The following ZSCAN5B variants were observed in gnomAD, a reference collection of about 807,000 sequenced individuals.
The protein encoded by ZSCAN5B is zinc finger and SCAN domain-containing protein 5B.
Under a neutral mutation model 25.2 loss-of-function variants are expected in ZSCAN5B, and 26 were observed. That is an observed-to-expected ratio of 1.03 (90% CI 0.76 to 1.43). The LOEUF (loss-of-function observed/expected upper bound fraction) is 1.43, where lower values mean the gene tolerates loss of function less well. Among genes scored for constraint, ZSCAN5B ranks in the 40% most tolerant of loss-of-function variants. The probability of loss-of-function intolerance (pLI) is 0.00; values close to 1 mark genes in which losing one functional copy is unlikely to be tolerated. For missense variants in ZSCAN5B, 745 were observed against 622.1 expected (o/e 1.20, Z -2.10); for synonymous variants, 244 against 240.9 (o/e 1.01, Z -0.12).
exon 4 of ZSCAN5B, chr19:56,190,954 C>G (rs4801296): frequency 4.3e-6 from 7 of 1,613,628 alleles, no homozygotes; most frequent in Non-Finnish European, 5.9e-6. Flanking sequence ...TCACCTGTTA[C>G]GTCAATACTC....
exon 5 of ZSCAN5B, chr19:56,190,114 G>A (rs866453339): frequency 1.9e-6 from 3 of 1,613,936 alleles, no homozygotes; most frequent in East Asian, 2.2e-5. Context: ...ACTCGCTGGT[G>A]AACTCGGAGG....
rs757139080 is a variant in ZSCAN5B, at chr19:56,190,032, C to T, written c.1283G>A (p.Gly428Asp). 17 of 1,613,546 alleles carry T rather than the reference C, an allele frequency of 1.1e-5. No individual in the cohort carries two copies. The highest frequency in any genetic ancestry group is 1.0e-4 in the Admixed American group (6 of 59,954). The change falls in exon 5 of 5, where the codon GGC becomes GAC. Residue 428 changes from glycine to aspartate, a missense_variant. By Grantham distance (94) the Gly-to-Asp change is moderately conservative. Transcript: ENST00000586855. ...CTCCCCGGTGTGGATCCTCTTGTGG[C>T]CCTGTAAGGTGGACTCGTGGGCGAA... is the stretch of plus-strand genomic sequence containing the variant.
intron 1 of ZSCAN5B, among the ~76,000 whole-genome samples, chr19:56,193,489 CAAT>C (rs758840687): frequency 4.6e-5 from 7 of 152,180 alleles, no homozygotes; most frequent in Non-Finnish European, 8.8e-5. Flanking sequence ...TCTGATGTAA[CAAT>C]AATGTCAGTT....
chr19:56,193,113 T>C (rs2032763461), exon 2 of ZSCAN5B: 3 of 1,460,796 alleles, frequency 2.1e-6, no homozygotes, highest in African/African-American at 1.4e-5. Flanking sequence ...CAGTATCAAA[T>C]TGAGACCTAT....
At chr19:56,191,119 C>T in intron 3 of ZSCAN5B, 132 bp from the exon 4 acceptor site, 1 of 1,238,554 alleles carries the variant, frequency 8.1e-7, no homozygotes, top group South Asian at 1.4e-5. Context: ...AACATCACCA[C>T]CTCATTTCTG....
At position 56,193,259 on chromosome 19, in the gene ZSCAN5B, C is replaced by T. The variant is rs1019878307; in HGVS notation, c.-127-80G>A. 3 of 578,498 alleles carry T rather than the reference C, an allele frequency of 5.2e-6. No individual in the cohort carries two copies. In the African/African-American group the frequency reaches 5.6e-5, roughly 11 times the overall value. The allele number at this position is 578,498 out of a possible 1,614,324, so 35.8% of individuals were successfully genotyped here. On this transcript the variant is annotated intron_variant, in intron 1 of 4. Coordinates refer to ENST00000586855, the Ensembl canonical transcript of ZSCAN5B. The stretch of plus-strand genomic sequence containing the variant: ...TCCCTTCCAAATCCCTCATCCCAAT[C>T]CTGGACCCCACTTGTCCATGGGCAT...
intron 1 of ZSCAN5B, among the ~76,000 whole-genome samples, chr19:56,195,783 C>T (rs2032802457): frequency 6.6e-6 from 1 of 152,198 alleles, no homozygotes; most frequent in South Asian, 2.1e-4. Flanking sequence ...CAGCATCACT[C>T]AGTACACTCA....
At chr19:56,191,906 G>C in exon 3 of ZSCAN5B, 1 of 1,613,960 alleles carries the variant, frequency 6.2e-7, no homozygotes, top group South Asian at 1.1e-5. Flanking sequence ...CGGCGGGCCT[G>C]GCCTGTCCCC....
chr19:56,195,211 C>T (rs1273382841), intron 1 of ZSCAN5B, among the ~76,000 whole-genome samples: 1 of 152,050 alleles, frequency 6.6e-6, no homozygotes, highest in Non-Finnish European at 1.5e-5. Flanking sequence ...GGGAGACAAC[C>T]CAGAGGAGGA....
chr19:56,197,657 A>C, intron 1 of ZSCAN5B, 77 bp downstream of exon 1: 1 of 844,016 alleles, frequency 1.2e-6, no homozygotes, highest in Non-Finnish European at 1.4e-6. Context: ...GCATGAGAAA[A>C]TAAACCCAAA....
chr19:56,192,093 T>C (rs1210635817), intron 2 of ZSCAN5B, 40 bp from the exon 3 acceptor site: 6 of 1,534,558 alleles, frequency 3.9e-6, no homozygotes, highest in Non-Finnish European at 3.6e-6. Flanking sequence ...TATGAGAACC[T>C]GAAAGTAGCT....
chr19:56,192,519 A>G, intron 2 of ZSCAN5B, 150 bp downstream of exon 2: 1 of 1,366,526 alleles, frequency 7.3e-7, no homozygotes, highest in Middle Eastern at 2.7e-4. Context: ...TTGGCCTCAC[A>G]CAGTGTGTGG....
intron 1 of ZSCAN5B, among the ~76,000 whole-genome samples, chr19:56,193,450 A>G (rs2032766791): frequency 6.6e-6 from 1 of 152,238 alleles, no homozygotes; most frequent in South Asian, 2.1e-4. Flanking sequence ...CTGTAAATTA[A>G]ATCGGATATG....
At chr19:56,197,438 A>T (rs1307791209) in intron 1 of ZSCAN5B, among the ~76,000 whole-genome samples, 2 of 152,142 alleles carry the variant, frequency 1.3e-5, no homozygotes, top group African/African-American at 2.4e-5. Context: ...GGGTTTCACC[A>T]TGTTGGTCAG....
At chr19:56,191,285 C>G (rs913145383) in intron 3 of ZSCAN5B, among the ~76,000 whole-genome samples, 3 of 152,172 alleles carry the variant, frequency 2.0e-5, no homozygotes, top group African/African-American at 7.2e-5. Flanking sequence ...AGGCCCCTAA[C>G]CCCTGGCACC....
At chr19:56,191,061 T>A in intron 3 of ZSCAN5B, 74 bp from the exon 4 acceptor site, 1 of 1,598,690 alleles carries the variant, frequency 6.3e-7, no homozygotes, top group Admixed American at 1.8e-5. Context: ...TGTCCCCTCC[T>A]GACTGGACAC....
intron 1 of ZSCAN5B, among the ~76,000 whole-genome samples, chr19:56,196,619 A>G (rs1274423985): frequency 2.0e-5 from 3 of 152,072 alleles, no homozygotes; most frequent in African/African-American, 7.2e-5. Flanking sequence ...CTCAATTTGA[A>G]AGTAAATTAG....
chr19:56,189,735 AGTGCTTTATGT>A (rs1179880332), exon 5 of ZSCAN5B: 2 of 1,439,120 alleles, frequency 1.4e-6, no homozygotes, highest in African/African-American at 2.8e-5. Flanking sequence ...ATTCCTACCA[AGTGCTTTATGT>A]GTATATGTCA....
chr19:56,190,466 G>C, exon 5 of ZSCAN5B: 2 of 1,614,080 alleles, frequency 1.2e-6, no homozygotes, highest in South Asian at 2.2e-5. Flanking sequence ...TGTTCCCGCT[G>C]TGAGTCAAAG....
Sources: gnomAD v4.1 joint callset for allele counts (sites outside exome capture counted in the v4.1 genomes callset) on GRCh38, gnomAD v4.1.1 for gene constraint, MANE v1.5 for transcripts, NCBI Gene and HGNC (gene_info 2026-07-23, HGNC 2026-07-21) for gene names.